The following LRRD1 variants were observed in gnomAD, a reference collection of about 807,000 sequenced individuals.
LRRD1 encodes the protein leucine rich repeats and death domain containing 1.
Under a neutral mutation model 69.5 loss-of-function variants are expected in LRRD1, and 49 were observed. That is an observed-to-expected ratio of 0.70 (90% CI 0.56 to 0.89). The LOEUF is 0.89. LRRD1 is among the 40% of genes least tolerant of loss of function. The pLI, the probability that LRRD1 is intolerant of heterozygous loss-of-function variation, is 0.00. For missense variants in LRRD1, 853 were observed against 956.0 expected, an observed-to-expected ratio of 0.89 and a Z score of 1.42; for synonymous variants, 303 against 338.9, an observed-to-expected ratio of 0.89 and a Z score of 1.16.
intron 1 of LRRD1, among the ~76,000 whole-genome samples, chr7:92,173,079 G>A (rs1288688233): frequency 6.6e-6 from 1 of 152,040 alleles, no homozygotes; most frequent in African/African-American, 2.4e-5. Context: ...ATAGCACCAA[G>A]AACATACAAT....
downstream of LRRD1, among the ~76,000 whole-genome samples, chr7:92,143,516 G>A (rs1005873418): frequency 2.6e-5 from 4 of 152,168 alleles, no homozygotes; most frequent in East Asian, 1.9e-4. Context: ...CCTGCCCCGC[G>A]GGAAGGCAGC....
downstream of LRRD1, among the ~76,000 whole-genome samples, chr7:92,143,597 CTGGGCTGGCCGGCCGCTCCGAGTG>C (rs1820231108): frequency 6.6e-6 from 1 of 152,148 alleles, no homozygotes; most frequent in Non-Finnish European, 1.5e-5. Context: ...TCCAGGCCGG[CTGGGCTGGCCGGCCGCTCCGAGTG>C]CGGGGCCGCC....
chr7:92,146,937 A>G (rs2130980412), intron 4 of LRRD1, among the ~76,000 whole-genome samples: 1 of 152,236 alleles, frequency 6.6e-6, no homozygotes, highest in East Asian at 1.9e-4. Flanking sequence ...AAAAAAAAAA[A>G]AATGACAATG....
At position 92,164,768 on chromosome 7, in the gene LRRD1, T is replaced by A; in HGVS notation, c.435A>T (p.Thr145=). 1 of 1,551,502 alleles carries A rather than the reference T, an allele frequency of 6.4e-7. No individual in the cohort carries two copies. Among genetic ancestry groups the A allele is most frequent in the South Asian group, 1.2e-5 (1 of 84,042 alleles). ...GTAAACCCTTGGCCTCAAGGTTAAC[T>A]GTAAAGTTATCTGCCCCTAGGCCAA... The part of the protein sequence containing the change: ...KQLGLGADNF[T]VNLEAKGLQE... The change falls in exon 2 of 6, where the codon ACA becomes ACT. Residue 145 remains threonine (T), a synonymous_variant. Transcript: ENST00000458448.
chr7:92,159,019 T>A lies in LRRD1; in HGVS notation c.2102A>T (p.Gln701Leu). Residue 701 changes from glutamine to leucine, a missense_variant, in exon 3 of 6, where the codon CAA (glutamine) becomes CTA (leucine). Gln to Leu is a moderately radical substitution (Grantham distance 113, BLOSUM62 -2). Around this residue, in one of 3 missense-constraint regions of LRRD1, gnomAD observed 739 missense variants for 808.0 expected, o/e 0.91. Transcript: ENST00000458448. ...TTGACACTCACCACTCAGGTTTAGT[T>A]GCTGCAGATCATTTAAAGATAGCAA... ...PSLLSLNDLQQLNLSGNNLTA... is the reference protein window; with the variant it reads ...PSLLSLNDLQLLNLSGNNLTA... 1.9e-6 allele frequency: 3 copies of A among 1,544,950 alleles called. No individual in the cohort carries two copies. Among genetic ancestry groups the A allele is most frequent in the South Asian group, 1.2e-5 (1 of 82,366 alleles).
rs935278067 is a variant in LRRD1 at position 92,150,413 on chromosome 7, C to T, written c.2278+121G>A. On this transcript the variant is annotated intron_variant, in intron 4 of 5. Transcript: ENST00000458448. ...CCAGGAGTCCGAGGCTGCAGTGAGT[C>T]GTGATCATGCCACTGCAGTCCAGCC... 8 of 809,718 alleles carry T rather than the reference C, an allele frequency of 9.9e-6. No homozygotes were observed. In the East Asian group the frequency reaches 1.2e-4, roughly 12 times the overall value. 50.2% of individuals were successfully genotyped at this position (809,718 alleles called of 1,614,324 possible).
downstream of LRRD1, among the ~76,000 whole-genome samples, chr7:92,143,751 C>T (rs933888015): frequency 2.0e-5 from 3 of 152,234 alleles, no homozygotes; most frequent in Admixed American, 6.5e-5. Context: ...CCGGCCTTGG[C>T]CAGCCCAGAA....
Position 92,163,658 on chromosome 7 carries a change from T to G in LRRD1, c.1545A>C (p.Leu515Phe), listed in dbSNP as rs1788837674. Reference protein sequence around the residue: ...DISFSKQLLHLELSENKLLIF... With the variant: ...DISFSKQLLHFELSENKLLIF... ...TGAGGAGTTTGTTTTCACTCAATTC[T>G]AAATGAAGCAGTTGTTTACTGAAAG... Residue 515 changes from leucine to phenylalanine, a missense_variant, in exon 2 of 6, where the codon TTA becomes TTC. This residue lies in a region of LRRD1 where 739 missense variants were observed against 808.0 expected (regional missense o/e 0.91). Transcript: ENST00000458448. The G allele has an allele frequency of 6.6e-6, 10 of 1,503,810 alleles. No individual in the cohort carries two copies. Among genetic ancestry groups the G allele is most frequent in the Middle Eastern group, 1.7e-4 (1 of 5,780 alleles). The allele number at this position is 1,503,810 out of a possible 1,614,324, so 93.2% of individuals were successfully genotyped here.
intron 1 of LRRD1, among the ~76,000 whole-genome samples, chr7:92,172,043 G>C (rs768725610): frequency 1.3e-5 from 2 of 152,204 alleles, no homozygotes; most frequent in African/African-American, 4.8e-5. Context: ...AGAATCACCT[G>C]AGCCTGGGAG....
intron 1 of LRRD1, among the ~76,000 whole-genome samples, chr7:92,171,613 C>A (rs532864099): frequency 6.6e-6 from 1 of 152,200 alleles, no homozygotes; most frequent in East Asian, 1.9e-4. Context: ...GAATTAATGC[C>A]AATTATACTC....
chr7:92,157,337 T>C (rs552936746), intron 3 of LRRD1, among the ~76,000 whole-genome samples: 46 of 152,272 alleles, frequency 3.0e-4, no homozygotes, highest in Admixed American at 7.9e-4. Flanking sequence ...CAATATGATA[T>C]CATTTTTTAT....
At chr7:92,173,587 C>T (rs1789102885) in intron 1 of LRRD1, among the ~76,000 whole-genome samples, 1 of 152,124 alleles carries the variant, frequency 6.6e-6, no homozygotes, top group Non-Finnish European at 1.5e-5. Context: ...AAATGCTCAC[C>T]ATCACTAATC....
chr7:92,147,434 A>T (rs1820355964), intron 4 of LRRD1, among the ~76,000 whole-genome samples: 1 of 151,980 alleles, frequency 6.6e-6, no homozygotes, highest in Non-Finnish European at 1.5e-5. Flanking sequence ...AATGCATTTG[A>T]CTGCTTCCTT....
At chr7:92,147,096 C>T (rs1820346888) in intron 4 of LRRD1, among the ~76,000 whole-genome samples, 1 of 146,466 alleles carries the variant, frequency 6.8e-6, no homozygotes. Context: ...CAGAGTTTCA[C>T]TCTTGTTGCC....
At position 92,164,507 on chromosome 7, in the gene LRRD1, CTGAGA is replaced by C. The variant is rs1216667992; in HGVS notation, c.691_695del (p.Ser231AlafsTer11). 1.2e-5 allele frequency: 19 copies of C among 1,549,886 alleles called. No homozygotes were observed. The highest frequency in any genetic ancestry group is 1.6e-5 in the Non-Finnish European group (18 of 1,146,050). ...AAAAGAGTTGTCTGATATTCCCAAG[CTGAGA>C]TATTTCTTTAGGTATATGTGATATG... On this transcript the variant is annotated frameshift_variant, in exon 2 of 6. Transcript: ENST00000458448. LOFTEE classifies it high-confidence loss of function.
chr7:92,152,674 C>CT (rs375384141), intron 3 of LRRD1, among the ~76,000 whole-genome samples: 1,676 of 139,898 alleles, frequency 0.012, 6 homozygotes, highest in Middle Eastern at 0.023. Context: ...TTTAACTATT[C>CT]TTTTTTTTTT....
At chr7:92,176,875 T>G (rs1221258310) in intron 1 of LRRD1, among the ~76,000 whole-genome samples, 1 of 151,450 alleles carries the variant, frequency 6.6e-6, no homozygotes, top group East Asian at 1.9e-4. Flanking sequence ...ATTAATAGAT[T>G]ATTAAGCATG....
At position 92,167,876 on chromosome 7, in the gene LRRD1, CAAAAAAAAAAAAAAAAAA is replaced by C. The variant is rs542619786; in HGVS notation, c.-74-2618_-74-2601del. Among the ~76,000 whole-genome samples the C allele has an allele frequency of 5.6e-3, 260 of 46,228 alleles. 2 individuals carry two copies. The highest frequency in any genetic ancestry group is 0.023 in the African/African-American group (242 of 10,572). 30.3% of individuals were successfully genotyped at this position (46,228 alleles called of 152,430 possible). On this transcript the variant is annotated intron_variant, in intron 1 of 5. Transcript: ENST00000458448. ...TGGGCAACACAGCGAGACTCTGTCTCAAAAAAAAAAAAAAAAAAAAAAAAAAAAAAAATAAGTTATTCT... is the reference window on the plus strand; with the variant it reads ...TGGGCAACACAGCGAGACTCTGTCTCAAAAAAAAAAAAAATAAGTTATTCT...
chr7:92,174,859 C>G (rs1445798827), intron 1 of LRRD1, among the ~76,000 whole-genome samples: 1 of 151,356 alleles, frequency 6.6e-6, no homozygotes, highest in Non-Finnish European at 1.5e-5. Context: ...GTCAGGAGTT[C>G]AAGACCAACC....
Sources: gnomAD v4.1 joint callset for allele counts (sites outside exome capture counted in the v4.1 genomes callset) on GRCh38, gnomAD v4.1.1 for gene constraint, gnomAD v4.1.1 regional missense constraint, MANE v1.5 for transcripts, NCBI Gene and HGNC (gene_info 2026-07-23, HGNC 2026-07-21) for gene names.